Variants in CLPTM1 observed in about 807,000 individuals in gnomAD.
The protein encoded by CLPTM1 is putative lipid scramblase CLPTM1.
CLPTM1 carries 21 observed loss-of-function variants against 77.3 expected under a neutral mutation model. The ratio of observed to expected loss-of-function variants is 0.27; its 90% CI spans 0.19 to 0.39. CLPTM1 has a LOEUF of 0.39. CLPTM1 is among the 10% of genes least tolerant of loss of function. CLPTM1 has a pLI of 1.00. For missense variants in CLPTM1, 642 were observed against 921.2 expected (o/e 0.70, Z 3.92); for synonymous variants, 373 against 381.0 (o/e 0.98, Z 0.24).
intron 2 of CLPTM1, 61 bp from the exon 3 acceptor site, chr19:44,973,026 G>A: frequency 8.8e-6 from 14 of 1,589,148 alleles, no homozygotes; most frequent in Middle Eastern, 1.7e-4. Flanking sequence ...AGGAAGTCAG[G>A]CGGGTCTATG....
At chr19:44,967,657 CAAAA>C (rs35893621) in intron 2 of CLPTM1, among the ~76,000 whole-genome samples, 1 of 135,418 alleles carries the variant, frequency 7.4e-6, no homozygotes, top group Admixed American at 7.4e-5. Context: ...AACTCTGTCC[CAAAA>C]AAAAAAAAAA....
intron 1 of CLPTM1, among the ~76,000 whole-genome samples, chr19:44,961,675 C>G (rs574165798): frequency 6.6e-6 from 1 of 152,292 alleles, no homozygotes; most frequent in East Asian, 1.9e-4. Flanking sequence ...TCTGGACAGT[C>G]ACTGTCTAGA....
At chr19:44,954,892 CA>C, upstream of CLPTM1, 1 of 1,321,280 alleles carries the variant, frequency 7.6e-7, no homozygotes, top group Non-Finnish European at 1.0e-6. Flanking sequence ...GGTCAGAAGA[CA>C]AGGGTGCTGG....
At chr19:44,975,770 G>C (rs568809550) in intron 4 of CLPTM1, among the ~76,000 whole-genome samples, 4 of 152,186 alleles carry the variant, frequency 2.6e-5, no homozygotes, top group African/African-American at 7.2e-5. Flanking sequence ...CACTATGTTG[G>C]CCAGGTTGGC....
chr19:44,966,366 C>G (rs757759097), intron 2 of CLPTM1, among the ~76,000 whole-genome samples: 1 of 151,994 alleles, frequency 6.6e-6, no homozygotes, highest in Non-Finnish European at 1.5e-5. Context: ...TGCCAAGATG[C>G]CGCCACTGCA....
At chr19:44,957,138 A>G (rs570315121) in intron 1 of CLPTM1, among the ~76,000 whole-genome samples, 1 of 152,346 alleles carries the variant, frequency 6.6e-6, no homozygotes, top group East Asian at 1.9e-4. Flanking sequence ...GCTAAAGGGG[A>G]TCCGCTGCTC....
intron 1 of CLPTM1, among the ~76,000 whole-genome samples, chr19:44,956,467 G>A (rs1027702973): frequency 1.3e-5 from 2 of 152,212 alleles, no homozygotes; most frequent in African/African-American, 4.8e-5. Context: ...GACTGGGGGA[G>A]CCCAGAGAAA....
intron 4 of CLPTM1, among the ~76,000 whole-genome samples, chr19:44,976,433 C>T (rs1970806730): frequency 6.6e-6 from 1 of 152,206 alleles, no homozygotes; most frequent in South Asian, 2.1e-4. Flanking sequence ...TGTAGTGTGC[C>T]ATGATCGCAA....
At chr19:44,973,718 T>C (rs1050945785) in intron 3 of CLPTM1, among the ~76,000 whole-genome samples, 5 of 150,134 alleles carry the variant, frequency 3.3e-5, no homozygotes, top group East Asian at 2.0e-4. Flanking sequence ...AACATGGCCA[T>C]TGGGGCTTGA....
At chr19:44,982,890 C>A (rs1568387629) in intron 5 of CLPTM1, among the ~76,000 whole-genome samples, 1 of 151,832 alleles carries the variant, frequency 6.6e-6, no homozygotes, top group Non-Finnish European at 1.5e-5. Context: ...GGTTAAACTC[C>A]GTCTCTACTA....
In CLPTM1 at chr19:44,987,230, A is replaced by G; in HGVS notation, c.845A>G (p.Asn282Ser). ...GACTACTATCCCATCATCTACTTCA[A>G]TGACTACTGGAACCTGCAGAAGGAC... ...SGDYYPIIYF[N>S]DYWNLQKDYY... Residue 282 changes from asparagine (N) to serine (S), a missense_variant, in exon 8 of 14, where the codon AAT becomes AGT. Asn to Ser is a conservative substitution (Grantham distance 46). Around this residue, in one of 2 missense-constraint regions of CLPTM1, gnomAD observed 521 missense variants for 800.4 expected, o/e 0.65. Coordinates refer to ENST00000337392, the MANE Select transcript of CLPTM1 (RefSeq NM_001294.4). 4 of 1,614,178 alleles carry G rather than the reference A, an allele frequency of 2.5e-6. No homozygotes were observed. Among genetic ancestry groups the G allele is most frequent in the East Asian group, 2.2e-5 (1 of 44,880 alleles).
At chr19:44,988,653 C>T (rs1971021154) in intron 9 of CLPTM1, among the ~76,000 whole-genome samples, 2 of 152,370 alleles carry the variant, frequency 1.3e-5, no homozygotes, top group South Asian at 4.1e-4. Flanking sequence ...CAGGCACTGT[C>T]CTGGGTACCC....
In CLPTM1 at chr19:44,992,771, C is replaced by T. The variant is rs372225703; in HGVS notation, c.1884C>T (p.Thr628=). ...CCCTCACGCCCACACCTGCACCCAC[C>T]ACGACCACCGCCACCAGGGAGGAGG... The part of the protein sequence containing the change: ...AGALTPTPAP[T]TTTATREEAS... Residue 628 remains threonine, a synonymous_variant, in exon 14 of 14, where the codon ACC becomes ACT. Coordinates refer to ENST00000337392, the MANE Select transcript of CLPTM1 (RefSeq NM_001294.4). The surrounding 1 kb of genome is among the most constrained non-coding windows in gnomAD (Gnocchi z 7.7). 472 of 1,612,488 alleles carry T rather than the reference C, an allele frequency of 2.9e-4. 4 individuals are homozygous for T. The South Asian group carries it at 4.8e-3, about 16-fold the overall frequency.
At chr19:44,965,945 A>G (rs539445190) in intron 2 of CLPTM1, among the ~76,000 whole-genome samples, 13 of 152,408 alleles carry the variant, frequency 8.5e-5, no homozygotes, top group African/African-American at 2.6e-4. Flanking sequence ...CCTGCTGGAA[A>G]GCAGGGCTCC....
chr19:44,966,847 C>T (rs1269960649), intron 2 of CLPTM1, among the ~76,000 whole-genome samples: 1 of 151,776 alleles, frequency 6.6e-6, no homozygotes, highest in Non-Finnish European at 1.5e-5. Context: ...CTCTCTCTCT[C>T]TCTTTTTTTT....
At chr19:44,955,582 G>A (rs1285239722) in intron 1 of CLPTM1, 115 bp downstream of exon 1, 3 of 1,052,190 alleles carry the variant, frequency 2.9e-6, no homozygotes, top group Non-Finnish European at 3.6e-6. Context: ...TTGGCCAGAG[G>A]GACCTTGAAT....
chr19:44,992,507 CTG>C lies in CLPTM1; in HGVS notation c.1724-103_1724-102del, dbSNP rs1568391109. The C allele has an allele frequency of 7.6e-6, 12 of 1,589,224 alleles. No homozygotes were observed. The East Asian group carries it at 2.5e-4, about 33-fold the overall frequency. ...CACGGCCCCAGATGGGGTGCTCAGT[CTG>C]AGGGGGCTCGGCCCCGCCCTTGCAT... On this transcript the variant is annotated intron_variant, in intron 13 of 13. Transcript: ENST00000337392. This position sits in a 1 kb window ranked among gnomAD's most constrained non-coding sequence, Gnocchi z 7.7.
Position 44,991,442 on chromosome 19 carries a change from G to A in CLPTM1, c.1555+69G>A, listed in dbSNP as rs80167162. 1,619 of 1,564,616 alleles carry A rather than the reference G, an allele frequency of 1.0e-3. 21 individuals carry two copies. The African/African-American group carries it at 0.02, about 19-fold the overall frequency. On this transcript the variant is annotated intron_variant, in intron 12 of 13. Transcript: ENST00000337392. This position sits in a 1 kb window ranked among gnomAD's most constrained non-coding sequence, Gnocchi z 5.4. ...CGCAGGGCTCACAGCCCCAGTGTAG[G>A]AGACAGACCCATCCCCAGACAGGGA...
chr19:44,965,475 C>T (rs560017271), intron 2 of CLPTM1, among the ~76,000 whole-genome samples: 11 of 148,054 alleles, frequency 7.4e-5, no homozygotes, highest in East Asian at 4.0e-4. Context: ...TCAAGCCTGG[C>T]GACAGAGCAA....
Sources: gnomAD v4.1 joint callset for allele counts (sites outside exome capture counted in the v4.1 genomes callset) on GRCh38, gnomAD v4.1.1 for gene constraint, gnomAD v4.1.1 regional missense constraint, Gnocchi (gnomAD v3.1) non-coding constraint, MANE v1.5 for transcripts, NCBI Gene and HGNC (gene_info 2026-07-23, HGNC 2026-07-21) for gene names.